Variants in SNX25 observed in about 807,000 individuals in gnomAD.
SNX25 encodes the protein sorting nexin 25.
Under a neutral mutation model 113.7 loss-of-function variants are expected in SNX25, and 62 were observed. The ratio of observed to expected loss-of-function variants is 0.55; its 90% confidence interval spans 0.44 to 0.67. The LOEUF (loss-of-function observed/expected upper bound fraction) is 0.67, where lower values mean the gene tolerates loss of function less well. SNX25 is among the 30% of genes least tolerant of loss of function. SNX25 has a pLI of 0.00. For synonymous variants in SNX25, 421 were observed against 436.2 expected (o/e 0.97, Z 0.43); for missense variants, 1,014 against 1,161.0 (o/e 0.87, Z 1.84).
At chr4:185,303,501 T>C (rs1211935586) in intron 6 of SNX25, among the ~76,000 whole-genome samples, 1 of 151,366 alleles carries the variant, frequency 6.6e-6, no homozygotes, top group African/African-American at 2.4e-5. Flanking sequence ...CTACTAAAAA[T>C]ACAAAAAATT....
intron 2 of SNX25, among the ~76,000 whole-genome samples, chr4:185,255,446 A>G (rs1221717949): frequency 3.3e-5 from 5 of 151,998 alleles, no homozygotes; most frequent in East Asian, 1.9e-4. Flanking sequence ...TACTTTTTAT[A>G]TTTAAGTTAT....
At chr4:185,314,694 C>T (rs900778976) in intron 7 of SNX25, among the ~76,000 whole-genome samples, 2 of 150,372 alleles carry the variant, frequency 1.3e-5, no homozygotes, top group African/African-American at 4.9e-5. Context: ...CCCATCTCTA[C>T]TAAAAATACA....
intron 16 of SNX25, among the ~76,000 whole-genome samples, chr4:185,361,256 A>ACCAC (rs1423737046): frequency 8.5e-5 from 13 of 152,162 alleles, no homozygotes; most frequent in Non-Finnish European, 2.9e-5. Flanking sequence ...GGTTTTCCAG[A>ACCAC]CCACTTCCAA....
At chr4:185,340,289 G>A (rs1245787689) in intron 11 of SNX25, among the ~76,000 whole-genome samples, 2 of 152,142 alleles carry the variant, frequency 1.3e-5, no homozygotes, top group African/African-American at 4.8e-5. Context: ...ACAGGGGTTG[G>A]GAGAGGGTCA....
At chr4:185,294,234 A>G (rs930863989) in intron 6 of SNX25, among the ~76,000 whole-genome samples, 89 of 152,218 alleles carry the variant, frequency 5.8e-4, no homozygotes, top group African/African-American at 2.1e-3. Flanking sequence ...CATCCCTTCC[A>G]GTCTACTGCT....
chr4:185,340,920 A>C (rs2095256663), intron 11 of SNX25, among the ~76,000 whole-genome samples: 1 of 152,162 alleles, frequency 6.6e-6, no homozygotes, highest in Admixed American at 6.5e-5. Flanking sequence ...ATCAAGCTGG[A>C]CGTGCCTGTA....
downstream of SNX25, chr4:185,374,109 T>C (rs1286871359): frequency 2.6e-6 from 4 of 1,560,202 alleles, no homozygotes; most frequent in Non-Finnish European, 3.5e-6. Context: ...AATATAACAC[T>C]AGCATTAAAA....
At chr4:185,239,372 A>G (rs949985936) in intron 1 of SNX25, among the ~76,000 whole-genome samples, 3 of 152,036 alleles carry the variant, frequency 2.0e-5, no homozygotes, top group Admixed American at 1.3e-4. Flanking sequence ...AGTCCCAGCT[A>G]CTCGGGAGGC....
intron 9 of SNX25, among the ~76,000 whole-genome samples, chr4:185,325,508 G>A (rs978433520): frequency 1.3e-5 from 2 of 149,062 alleles, no homozygotes; most frequent in African/African-American, 4.9e-5. Flanking sequence ...ACTCCAGCCT[G>A]GGCGACAATG....
chr4:185,265,134 A>C (rs1747872855), intron 4 of SNX25, among the ~76,000 whole-genome samples: 1 of 152,162 alleles, frequency 6.6e-6, no homozygotes, highest in African/African-American at 2.4e-5. Flanking sequence ...CCCTGACCAC[A>C]GTCAAATTCT....
chr4:185,220,555 T>C (rs1331624712), intron 1 of SNX25, among the ~76,000 whole-genome samples: 4 of 149,186 alleles, frequency 2.7e-5, no homozygotes, highest in South Asian at 4.5e-4. Flanking sequence ...GATCGCGGCT[T>C]ACTACAACCT....
chr4:185,368,264 A>G (rs1398394808), downstream of SNX25, among the ~76,000 whole-genome samples: 2 of 152,220 alleles, frequency 1.3e-5, no homozygotes, highest in African/African-American at 4.8e-5. Flanking sequence ...AGAATACATA[A>G]TGCTGGTTTC....
At chr4:185,342,642 C>T (rs1579860811) in intron 12 of SNX25, among the ~76,000 whole-genome samples, 1 of 148,906 alleles carries the variant, frequency 6.7e-6, no homozygotes, top group Non-Finnish European at 1.5e-5. Context: ...CATTAAGGCG[C>T]GGTGCTTGGA....
intron 1 of SNX25, among the ~76,000 whole-genome samples, chr4:185,224,548 CATAT>C (rs575563774): frequency 9.0e-5 from 6 of 66,958 alleles, no homozygotes; most frequent in Non-Finnish European, 1.5e-4. Context: ...AATATATATA[CATAT>C]ATATAAATAT....
chr4:185,325,968 GT>G (rs1223111415), intron 9 of SNX25, among the ~76,000 whole-genome samples: 3 of 152,178 alleles, frequency 2.0e-5, no homozygotes, highest in African/African-American at 7.2e-5. Context: ...AAAATAACCA[GT>G]TTTTCCAGTT....
At chr4:185,330,526 T>C (rs940716342) in intron 9 of SNX25, among the ~76,000 whole-genome samples, 5 of 152,236 alleles carry the variant, frequency 3.3e-5, no homozygotes, top group Non-Finnish European at 7.3e-5. Context: ...AGTTTTCTTA[T>C]AGCATATGCA....
chr4:185,240,722 G>A (rs543109143), intron 1 of SNX25, among the ~76,000 whole-genome samples: 11 of 152,120 alleles, frequency 7.2e-5, no homozygotes, highest in African/African-American at 1.9e-4. Flanking sequence ...CCTCCCAGAC[G>A]GGGTGGCTGC....
intron 7 of SNX25, among the ~76,000 whole-genome samples, chr4:185,316,036 C>T (rs1021906588): frequency 6.6e-6 from 1 of 152,138 alleles, no homozygotes; most frequent in African/African-American, 2.4e-5. Context: ...GAAACCATTG[C>T]CACAATCAAG....
At chr4:185,344,336 A>T (rs2095274330) in intron 12 of SNX25, among the ~76,000 whole-genome samples, 1 of 152,174 alleles carries the variant, frequency 6.6e-6, no homozygotes, top group South Asian at 2.1e-4. Context: ...AGATGGTGTG[A>T]TCTGCCCTGA....
Sources: gnomAD v4.1 joint callset for allele counts (sites outside exome capture counted in the v4.1 genomes callset) on GRCh38, gnomAD v4.1.1 for gene constraint, MANE v1.5 for transcripts, NCBI Gene and HGNC (gene_info 2026-07-23, HGNC 2026-07-21) for gene names.